ADARB2: variants seen among roughly 807,000 people sequenced by gnomAD.
ADARB2 encodes the protein inactive double-stranded RNA-specific editase B2.
ADARB2 carries 25 observed loss-of-function variants against 62.2 expected under a neutral mutation model. That is an observed-to-expected ratio of 0.40 (90% CI 0.29 to 0.56). The LOEUF is 0.56. Ranked by LOEUF, ADARB2 falls within the 20% of genes least tolerant of loss-of-function variation. The pLI is 0.43. For missense variants in ADARB2, 1,071 were observed against 1,077.4 expected, an observed-to-expected ratio of 0.99 and a Z score of 0.08; for synonymous variants, 572 against 500.8, an observed-to-expected ratio of 1.14 and a Z score of -1.90.
intron 6 of ADARB2, among the ~76,000 whole-genome samples, chr10:1,233,017 A>T (rs1174658068): frequency 6.6e-6 from 1 of 152,042 alleles, no homozygotes; most frequent in Non-Finnish European, 1.5e-5. Flanking sequence ...AATGAAAGAG[A>T]GGAGTTTCCC....
intron 1 of ADARB2, among the ~76,000 whole-genome samples, chr10:1,655,523 A>C (rs772421657): frequency 6.6e-6 from 1 of 152,214 alleles, no homozygotes; most frequent in East Asian, 1.9e-4. Flanking sequence ...TAACAGAACC[A>C]CTGTAAAACT....
At chr10:1,498,939 A>T (rs757045578) in intron 1 of ADARB2, among the ~76,000 whole-genome samples, 44 of 151,758 alleles carry the variant, frequency 2.9e-4, no homozygotes, top group Non-Finnish European at 3.8e-4. Context: ...TTCATCGCTC[A>T]CTCATTACTC....
intron 1 of ADARB2, among the ~76,000 whole-genome samples, chr10:1,465,595 C>A (rs928403288): frequency 1.3e-5 from 2 of 152,234 alleles, no homozygotes; most frequent in Admixed American, 1.3e-4. Flanking sequence ...GGCAATTCCC[C>A]TGTAGAGAGT....
intron 1 of ADARB2, among the ~76,000 whole-genome samples, chr10:1,655,031 T>A (rs1325935102): frequency 6.6e-6 from 1 of 152,140 alleles, no homozygotes; most frequent in Non-Finnish European, 1.5e-5. Flanking sequence ...TCGGGAGGAA[T>A]CTCACTTCCC....
chr10:1,463,893 G>A (rs754862496), intron 1 of ADARB2, among the ~76,000 whole-genome samples: 11 of 152,190 alleles, frequency 7.2e-5, no homozygotes, highest in African/African-American at 2.4e-4. Flanking sequence ...ACACTTTGCC[G>A]AAGAAGACAT....
At chr10:1,198,429 G>T (rs1473442536) in intron 8 of ADARB2, among the ~76,000 whole-genome samples, 1 of 152,164 alleles carries the variant, frequency 6.6e-6, no homozygotes, top group East Asian at 1.9e-4. Context: ...AAATTCTGAT[G>T]ATTTCTTTTC....
intron 1 of ADARB2, among the ~76,000 whole-genome samples, chr10:1,434,800 G>A (rs1417626731): frequency 6.6e-6 from 1 of 152,200 alleles, no homozygotes; most frequent in South Asian, 2.1e-4. Context: ...TTAGGGGAAT[G>A]AACACTTACA....
At chr10:1,660,439 G>A (rs1452250505) in intron 1 of ADARB2, among the ~76,000 whole-genome samples, 1 of 152,206 alleles carries the variant, frequency 6.6e-6, no homozygotes, top group Non-Finnish European at 1.5e-5. Context: ...ATGTATGTTG[G>A]ATTAAACTGG....
chr10:1,465,866 C>T (rs914782722), intron 1 of ADARB2, among the ~76,000 whole-genome samples: 10 of 152,200 alleles, frequency 6.6e-5, no homozygotes, highest in Admixed American at 1.3e-4. Context: ...CTCCATCAGC[C>T]GCGCTGACTC....
rs150338036 is a variant in ADARB2 at position 1,247,315 on chromosome 10, C to A, written c.1193-5016G>T. ...CTTTCTCTTTTCCTAATTGAATAAC[C>A]TTTATTTCCTTCTCCTGCCTGATTG... is the stretch of plus-strand genomic sequence containing the variant. On this transcript the variant is annotated intron_variant, in intron 4 of 9. Transcript: ENST00000381312. Among the ~76,000 whole-genome samples, 875 of 152,262 alleles carry A rather than the reference C, an allele frequency of 5.7e-3. 4 individuals are homozygous for A. The highest frequency in any genetic ancestry group is 8.5e-3 in the Non-Finnish European group (580 of 68,018).
intron 1 of ADARB2, among the ~76,000 whole-genome samples, chr10:1,381,711 C>T (rs767096327): frequency 1.3e-5 from 2 of 152,182 alleles, no homozygotes; most frequent in African/African-American, 2.4e-5. Flanking sequence ...ACTGGAGGAC[C>T]TCATCCTAAG....
At chr10:1,612,912 GATTAGTAGCTGAAATAAATGTTA>G (rs1833589412) in intron 1 of ADARB2, among the ~76,000 whole-genome samples, 1 of 152,240 alleles carries the variant, frequency 6.6e-6, no homozygotes, top group South Asian at 2.1e-4. Flanking sequence ...GGGTTGTAGT[GATTAGTAGCTGAAATAAATGTTA>G]TTTTAAATTA....
At chr10:1,482,945 T>C (rs1831491402) in intron 1 of ADARB2, among the ~76,000 whole-genome samples, 1 of 152,230 alleles carries the variant, frequency 6.6e-6, no homozygotes, top group Non-Finnish European at 1.5e-5. Flanking sequence ...GCTAAATTTG[T>C]AGCTCAACTT....
intron 2 of ADARB2, among the ~76,000 whole-genome samples, chr10:1,373,015 C>T (rs1832386395): frequency 1.3e-5 from 2 of 152,300 alleles, no homozygotes; most frequent in South Asian, 4.1e-4. Context: ...AAAACCATCC[C>T]ATGCTCATGG....
intron 1 of ADARB2, among the ~76,000 whole-genome samples, chr10:1,473,131 G>A (rs536532013): frequency 4.6e-5 from 7 of 152,238 alleles, no homozygotes; most frequent in South Asian, 4.2e-4. Flanking sequence ...GTCAAACCAC[G>A]CACCCGTCCT....
At chr10:1,186,478 C>T (rs1156825852) in intron 8 of ADARB2, 2 of 519,016 alleles carry the variant, frequency 3.9e-6, no homozygotes, top group African/African-American at 1.9e-5. Flanking sequence ...TCTCCCACCT[C>T]CCGCGGCACC....
chr10:1,567,329 C>T (rs571367800), intron 1 of ADARB2, among the ~76,000 whole-genome samples: 4 of 152,220 alleles, frequency 2.6e-5, no homozygotes, highest in African/African-American at 4.8e-5. Flanking sequence ...TTTCTCCCAA[C>T]GTGCTTTGAG....
chr10:1,633,786 C>T (rs751163573), intron 1 of ADARB2, among the ~76,000 whole-genome samples: 2 of 152,170 alleles, frequency 1.3e-5, no homozygotes, highest in Non-Finnish European at 2.9e-5. Context: ...GACAGGCTGT[C>T]CTGGGCTCTC....
intron 1 of ADARB2, among the ~76,000 whole-genome samples, chr10:1,653,572 G>A (rs1219010317): frequency 1.4e-5 from 2 of 142,406 alleles, no homozygotes; most frequent in African/African-American, 5.4e-5. Flanking sequence ...TCCACCCCAC[G>A]CCTCATGTGC....
Sources: allele counts gnomAD v4.1 joint callset (sites outside exome capture counted in the v4.1 genomes callset), GRCh38; gene constraint gnomAD v4.1.1; transcripts MANE v1.5; gene names NCBI Gene and HGNC (gene_info 2026-07-23, HGNC 2026-07-21).